The following MYCBP2 variants were observed in gnomAD, a reference collection of about 807,000 sequenced individuals.
The protein encoded by MYCBP2 is MYC binding protein 2.
In MYCBP2, 120 loss-of-function variants were observed where a neutral mutation model predicts 525.3. The observed-to-expected ratio is 0.23, with a 90% CI of 0.20 to 0.27. The LOEUF is 0.27. Ranked by LOEUF, MYCBP2 falls within the 10% of genes least tolerant of loss-of-function variation. The pLI is 1.00. For synonymous variants in MYCBP2, 1,894 were observed against 1,955.8 expected, an observed-to-expected ratio of 0.97 and a Z score of 0.83; for missense variants, 4,149 against 5,657.1, an observed-to-expected ratio of 0.73 and a Z score of 8.55.
chr13:77,194,712 A>G (rs2061591724), intron 26 of MYCBP2, among the ~76,000 whole-genome samples: 1 of 152,192 alleles, frequency 6.6e-6, no homozygotes, highest in South Asian at 2.1e-4. Flanking sequence ...TTCCCATCTC[A>G]CAGTACTTTT....
intron 54 of MYCBP2, among the ~76,000 whole-genome samples, chr13:77,122,286 T>C (rs1334247910): frequency 1.3e-5 from 2 of 151,952 alleles, no homozygotes; most frequent in African/African-American, 2.4e-5. Flanking sequence ...TCAAGTAAAA[T>C]TGGGGGGAAA....
chr13:77,050,924 G>T lies in MYCBP2; in HGVS notation c.13921+73C>A, dbSNP rs763064439. 32 of 1,300,662 alleles carry T rather than the reference G, an allele frequency of 2.5e-5. 1 individual carries two copies. The highest frequency in any genetic ancestry group is 3.3e-5 in the Non-Finnish European group (31 of 936,512). 80.6% of individuals were successfully genotyped at this position (1,300,662 alleles called of 1,614,324 possible). ...TTGAGTTTCTGTCACTTGAAACAGA[G>T]CTTTCATATAATGTTTACATAAAAC... On this transcript the variant is annotated intron_variant, in intron 82 of 82. Coordinates refer to ENST00000544440, the MANE Select transcript of MYCBP2 (RefSeq NM_015057.5).
chr13:77,251,971 C>T (rs963236507), intron 14 of MYCBP2, among the ~76,000 whole-genome samples: 1 of 152,144 alleles, frequency 6.6e-6, no homozygotes, highest in Non-Finnish European at 1.5e-5. Context: ...TACAAGATGT[C>T]TCTGCCTATC....
In MYCBP2 at chr13:77,089,533, A is replaced by G. The variant is rs2044994246; in HGVS notation, c.10526-502T>C. On this transcript the variant is annotated intron_variant, in intron 60 of 82. Transcript: ENST00000544440. ...TTCATTTTAGCAAGTGATCTCTCTG[A>G]TAATTGATCACTATATTACCCTGTT... Among the ~76,000 whole-genome samples, 7 of 152,192 alleles carry G rather than the reference A, an allele frequency of 4.6e-5. No homozygotes were observed. In the South Asian group the frequency reaches 1.5e-3, roughly 32 times the overall value.
chr13:77,298,323 G>A lies in MYCBP2; in HGVS notation c.303-1649C>T, dbSNP rs111388294. Among the ~76,000 whole-genome samples the A allele has an allele frequency of 7.6e-3, 1,153 of 152,256 alleles. 16 individuals carry two copies. Among genetic ancestry groups the A allele is most frequent in the African/African-American group, 0.027 (1,102 of 41,552 alleles). On this transcript the variant is annotated intron_variant, in intron 1 of 82. Transcript: ENST00000544440. ...CACTTAAGTCTAACTCCCCACACTG[G>A]ATGAGTTTCCCTAATATACACTCTC... is the stretch of plus-strand genomic sequence containing the variant.
intron 33 of MYCBP2, 94 bp downstream of exon 33, chr13:77,181,607 T>C (rs1260019222): frequency 3.4e-6 from 3 of 873,096 alleles, no homozygotes; most frequent in Non-Finnish European, 5.4e-6. Context: ...CTTGGTGTGT[T>C]TATAGTTTTA....
chr13:77,077,415 C>A, intron 66 of MYCBP2, 28 bp from the exon 67 acceptor site: 1 of 1,611,638 alleles, frequency 6.2e-7, no homozygotes, highest in South Asian at 1.1e-5. Context: ...AGGCAGGAAC[C>A]TGATTCAGCT....
chr13:77,074,106 A>C (rs1229842739), intron 68 of MYCBP2, among the ~76,000 whole-genome samples: 1 of 151,618 alleles, frequency 6.6e-6, no homozygotes, highest in Non-Finnish European at 1.5e-5. Context: ...TAAAGAACAA[A>C]GTTAGAACCT....
chr13:77,196,662 T>C (rs184016238), intron 26 of MYCBP2, among the ~76,000 whole-genome samples: 2 of 152,274 alleles, frequency 1.3e-5, no homozygotes, highest in Admixed American at 1.3e-4. Context: ...AACAGAAGAA[T>C]GAAGTTAACT....
chr13:77,275,975 C>T (rs1451433161), intron 4 of MYCBP2, among the ~76,000 whole-genome samples: 1 of 152,166 alleles, frequency 6.6e-6, no homozygotes. Flanking sequence ...CAGAGCGAGA[C>T]TCCGTCTCAA....
intron 38 of MYCBP2, among the ~76,000 whole-genome samples, chr13:77,170,719 G>A (rs755852027): frequency 5.3e-5 from 8 of 151,922 alleles, no homozygotes; most frequent in Non-Finnish European, 1.2e-4. Context: ...TAGGATTACA[G>A]GCACCTGCCA....
intron 43 of MYCBP2, among the ~76,000 whole-genome samples, chr13:77,162,869 A>C (rs958598518): frequency 6.6e-6 from 1 of 152,098 alleles, no homozygotes; most frequent in Admixed American, 6.5e-5. Context: ...GTTAGCCAGG[A>C]TGGTCTCAAT....
chr13:77,179,438 G>T lies in MYCBP2; in HGVS notation c.5133+689C>A, dbSNP rs545094292. On this transcript the variant is annotated intron_variant, in intron 34 of 82. Coordinates refer to ENST00000544440, the MANE Select transcript of MYCBP2 (RefSeq NM_015057.5). ...AAACATTCAGTTAAGTTATAAGAAAGAGTAAGGCAGTGAAATGGAATAATG... is the reference window on the plus strand; with the variant it reads ...AAACATTCAGTTAAGTTATAAGAAATAGTAAGGCAGTGAAATGGAATAATG... Among the ~76,000 whole-genome samples, 8 of 152,246 alleles carry T rather than the reference G, an allele frequency of 5.3e-5. No individual in the cohort carries two copies. In the East Asian group the frequency reaches 1.5e-3, roughly 29 times the overall value.
chr13:77,058,399 G>A lies in MYCBP2; in HGVS notation c.13148C>T (p.Ala4383Val), dbSNP rs754003928. The change falls in exon 78 of 83, where the codon GCT (alanine) becomes GTT (valine). Residue 4383 changes from alanine (A) to valine (V), a missense_variant. This residue lies in a region of MYCBP2 where 220 missense variants were observed against 396.0 expected (regional missense o/e 0.56). Transcript: ENST00000544440. This position sits in a 1 kb window ranked among gnomAD's most constrained non-coding sequence, Gnocchi z 4.1. ...VCSDADCQEY[A>V]KIACSKTHPC... ...ATGCGTCTTACTACAGGCTATCTTAGCGTATTCCTGTTAAAGATGAATTAC... is the reference window on the plus strand; with the variant it reads ...ATGCGTCTTACTACAGGCTATCTTAACGTATTCCTGTTAAAGATGAATTAC... 4.4e-6 allele frequency: 7 copies of A among 1,594,828 alleles called. No individual in the cohort carries two copies. In the South Asian group the frequency reaches 6.8e-5, roughly 15 times the overall value.
chr13:77,154,042 T>A (rs2056898156), intron 46 of MYCBP2, among the ~76,000 whole-genome samples: 1 of 152,200 alleles, frequency 6.6e-6, no homozygotes, highest in Non-Finnish European at 1.5e-5. Flanking sequence ...CTTTTATGCT[T>A]CAAATAATTA....
At chr13:77,269,870 C>T (rs2074633094) in intron 7 of MYCBP2, 122 bp downstream of exon 7, 2 of 765,684 alleles carry the variant, frequency 2.6e-6, no homozygotes, top group Admixed American at 2.4e-5. Context: ...TTATTATGGC[C>T]ATATTAGTAA....
intron 30 of MYCBP2, among the ~76,000 whole-genome samples, chr13:77,186,921 AC>A (rs1566855302): frequency 7.0e-6 from 1 of 143,540 alleles, no homozygotes; most frequent in East Asian, 2.0e-4. Flanking sequence ...TCCTCTCACC[AC>A]CCCCTCAGCC....
intron 3 of MYCBP2, among the ~76,000 whole-genome samples, chr13:77,283,041 A>C (rs1426777739): frequency 1.3e-5 from 2 of 152,116 alleles, no homozygotes; most frequent in Non-Finnish European, 2.9e-5. Context: ...GATATGCCTT[A>C]CTAACCGGAG....
At position 77,140,904 on chromosome 13, in the gene MYCBP2, C is replaced by T. The variant is rs1475929872; in HGVS notation, c.7343G>A (p.Gly2448Glu). The T allele has an allele frequency of 2.5e-6, 4 of 1,612,166 alleles. No homozygotes were observed. The Admixed American group carries it at 5.0e-5, about 20-fold the overall frequency. ...CAACTGAGTTCCTGGTGGTATCATCCCTTTTGGTGGGTCTTTTACTTTTAC... is the reference window on the plus strand; with the variant it reads ...CAACTGAGTTCCTGGTGGTATCATCTCTTTTGGTGGGTCTTTTACTTTTAC... ...LEVKVKDPPKGMIPPGTQLVK... is the reference protein window; with the variant it reads ...LEVKVKDPPKEMIPPGTQLVK... The change falls in exon 50 of 83, where the codon GGG becomes GAG. Residue 2448 changes from glycine to glutamate, a missense_variant. Physicochemically the swap from Gly to Glu is moderately conservative, Grantham distance 98. This residue lies in a region of MYCBP2 where 692 missense variants were observed against 852.7 expected (regional missense o/e 0.81). Transcript: ENST00000544440.
Sources: allele counts gnomAD v4.1 joint callset (sites outside exome capture counted in the v4.1 genomes callset), GRCh38; gene constraint gnomAD v4.1.1; regional missense constraint gnomAD v4.1.1; non-coding constraint Gnocchi (gnomAD v3.1); transcripts MANE v1.5; gene names NCBI Gene and HGNC (gene_info 2026-07-23, HGNC 2026-07-21).